GLDC: variants seen among roughly 807,000 people sequenced by gnomAD.
GLDC encodes the protein glycine decarboxylase.
Under a neutral mutation model 121.3 loss-of-function variants are expected in GLDC, and 104 were observed. The ratio of observed to expected loss-of-function variants is 0.86; its 90% CI spans 0.73 to 1.01. The LOEUF (loss-of-function observed/expected upper bound fraction) is 1.01, where lower values mean the gene tolerates loss of function less well. GLDC is among the 50% of genes least tolerant of loss of function. GLDC has a pLI of 0.00. For synonymous variants in GLDC, 546 were observed against 480.6 expected, an observed-to-expected ratio of 1.14 and a Z score of -1.78; for missense variants, 1,429 against 1,306.6, an observed-to-expected ratio of 1.09 and a Z score of -1.44.
chr9:6,604,344 C>A (rs142087589), intron 7 of GLDC, among the ~76,000 whole-genome samples: 1 of 152,090 alleles, frequency 6.6e-6, no homozygotes, highest in Non-Finnish European at 1.5e-5. Flanking sequence ...TAAGCAAATG[C>A]GTTACATGAC....
intron 24 of GLDC, 60 bp downstream of exon 24, chr9:6,534,648 G>A (rs1278961212): frequency 2.0e-5 from 17 of 854,078 alleles, no homozygotes; most frequent in Middle Eastern, 2.2e-4. Flanking sequence ...GCGTACACCC[G>A]TCAGGATAGG....
Position 6,639,944 on chromosome 9 carries a change from T to A in GLDC, c.334+4670A>T, listed in dbSNP as rs1020109. On this transcript the variant is annotated intron_variant, in intron 2 of 24. Transcript: ENST00000321612. ...AAATGGCCAGAACTCGATTAATAAC[T>A]GATAGCTTCCCTAATTTTTGTCCCA... 3.8e-3 allele frequency among the ~76,000 whole-genome samples: 584 copies of A among 152,194 alleles called. 3 individuals are homozygous for A. The highest frequency in any genetic ancestry group is 0.013 in the African/African-American group (522 of 41,518).
chr9:6,564,336 G>C (rs4237166), intron 16 of GLDC, among the ~76,000 whole-genome samples: 48,711 of 151,936 alleles, frequency 0.32, 8,290 homozygotes, highest in Middle Eastern at 0.38. Context: ...GCAAGGGAAG[G>C]AGGGAAAAAA....
intron 8 of GLDC, among the ~76,000 whole-genome samples, chr9:6,599,475 C>G (rs1818556117): frequency 6.6e-6 from 1 of 152,096 alleles, no homozygotes; most frequent in Non-Finnish European, 1.5e-5. Context: ...GTAATCCCAG[C>G]ACTTTGGGAG....
chr9:6,569,727 G>C (rs1423246251), intron 15 of GLDC, among the ~76,000 whole-genome samples: 2 of 151,994 alleles, frequency 1.3e-5, no homozygotes. Flanking sequence ...TGTAATCACA[G>C]CACGTTGGGA....
intron 15 of GLDC, among the ~76,000 whole-genome samples, chr9:6,569,923 G>A (rs13288399): frequency 6.6e-6 from 1 of 150,888 alleles, no homozygotes. Flanking sequence ...CTGCAGTGAT[G>A]TAAGATCGCG....
intron 17 of GLDC, 104 bp from the exon 18 acceptor site, chr9:6,556,406 A>T: frequency 1.0e-6 from 1 of 955,198 alleles, no homozygotes; most frequent in Non-Finnish European, 1.7e-6. Flanking sequence ...ATGAAGTCTC[A>T]GTCTTTACTT....
intron 15 of GLDC, among the ~76,000 whole-genome samples, chr9:6,585,369 A>T (rs978549877): frequency 6.6e-6 from 1 of 152,222 alleles, no homozygotes. Flanking sequence ...ACTATCATAG[A>T]CTCAAGGTTC....
At position 6,592,513 on chromosome 9, in the gene GLDC, C is replaced by T. The variant is rs149460612; in HGVS notation, c.1402-290G>A. On this transcript the variant is annotated intron_variant, in intron 10 of 24. Transcript: ENST00000321612. ...CTTTTTCTTCCCTTAACCCACTTAT[C>T]AGATATTGAGGAGATTTTCTTCCCT... Among the ~76,000 whole-genome samples, 8 of 152,300 alleles carry T rather than the reference C, an allele frequency of 5.3e-5. No individual in the cohort carries two copies. In the East Asian group the frequency reaches 1.4e-3, roughly 26 times the overall value.
chr9:6,602,570 C>A (rs1818637962), intron 7 of GLDC, among the ~76,000 whole-genome samples: 1 of 151,890 alleles, frequency 6.6e-6, no homozygotes, highest in Non-Finnish European at 1.5e-5. Flanking sequence ...CCAGGCTGGT[C>A]TTGAACTCCT....
At chr9:6,642,921 C>T (rs1339073545) in intron 2 of GLDC, among the ~76,000 whole-genome samples, 3 of 149,928 alleles carry the variant, frequency 2.0e-5, no homozygotes, top group East Asian at 2.0e-4. Flanking sequence ...TTTTTTTAGA[C>T]AGGGTCTCAC....
intron 15 of GLDC, among the ~76,000 whole-genome samples, chr9:6,585,832 C>CTATGTATGTATGTATG (rs148214664): frequency 6.8e-6 from 1 of 148,092 alleles, no homozygotes; most frequent in Non-Finnish European, 1.5e-5. Context: ...TATCATTCAT[C>CTATGTATGTATGTATG]TATGTATGTA....
At chr9:6,595,602 A>C (rs1818476339) in intron 8 of GLDC, among the ~76,000 whole-genome samples, 1 of 152,224 alleles carries the variant, frequency 6.6e-6, no homozygotes, top group Admixed American at 6.5e-5. Context: ...TAAATAAAAC[A>C]CTAGAGGCTG....
chr9:6,537,624 T>C (rs1302526365), intron 22 of GLDC, among the ~76,000 whole-genome samples: 1 of 152,102 alleles, frequency 6.6e-6, no homozygotes, highest in African/African-American at 2.4e-5. Context: ...CTACAAAAAA[T>C]ACAAAAATTA....
chr9:6,566,985 G>C (rs577496142), intron 15 of GLDC, among the ~76,000 whole-genome samples: 1 of 152,258 alleles, frequency 6.6e-6, no homozygotes, highest in Admixed American at 6.5e-5. Flanking sequence ...CTGCCTCCCA[G>C]AGCTACGGGC....
At chr9:6,604,511 G>C in intron 7 of GLDC, 77 bp downstream of exon 7, 3 of 1,323,178 alleles carry the variant, frequency 2.3e-6, no homozygotes, top group Admixed American at 3.4e-5. Flanking sequence ...AATTCAGATA[G>C]AAATCAACAT....
chr9:6,558,624 T>C lies in GLDC; in HGVS notation c.1987A>G (p.Met663Val). The C allele has an allele frequency of 6.2e-7, 1 of 1,613,936 alleles. No homozygotes were observed. The highest frequency in any genetic ancestry group is 8.5e-7 in the Non-Finnish European group (1 of 1,179,758). The change falls in exon 17 of 25, where the codon ATG becomes GTG. Residue 663 changes from methionine to valine, a missense_variant. Physicochemically the swap from Met to Val is conservative, Grantham distance 21. Transcript: ENST00000321612. ...TNPASAHMAG[M>V]KIQPVEVDKY... is the part of the protein sequence containing the mutation. ...TCCACCTCCACAGGCTGAATCTTCATGCCTGCCATGTGGGCACTTGCTGGG... is the reference window on the plus strand; with the variant it reads ...TCCACCTCCACAGGCTGAATCTTCACGCCTGCCATGTGGGCACTTGCTGGG...
chr9:6,557,090 G>C (rs1474134622), intron 17 of GLDC, among the ~76,000 whole-genome samples: 1 of 152,126 alleles, frequency 6.6e-6, no homozygotes, highest in African/African-American at 2.4e-5. Context: ...GTAAGTTGTA[G>C]AGTTCTATAC....
intron 21 of GLDC, among the ~76,000 whole-genome samples, chr9:6,546,846 C>G (rs1360621999): frequency 6.6e-6 from 1 of 151,920 alleles, no homozygotes; most frequent in East Asian, 1.9e-4. Context: ...CCTGTAGTCC[C>G]AGCTACTGGG....
Sources: gnomAD v4.1 joint callset for allele counts (sites outside exome capture counted in the v4.1 genomes callset) on GRCh38, gnomAD v4.1.1 for gene constraint, MANE v1.5 for transcripts, NCBI Gene and HGNC (gene_info 2026-07-23, HGNC 2026-07-21) for gene names.